AIFM3: variants seen among roughly 807,000 people sequenced by gnomAD.
The protein encoded by AIFM3 is apoptosis-inducing factor 3.
In AIFM3, 71 loss-of-function variants were observed where a neutral mutation model predicts 82.7. The observed-to-expected ratio is 0.86, with a 90% CI of 0.71 to 1.05. The LOEUF (loss-of-function observed/expected upper bound fraction) is 1.05. Among genes scored for constraint, AIFM3 ranks in the 50% least tolerant of loss-of-function variants. The pLI, the probability that AIFM3 is intolerant of heterozygous loss-of-function variation, is 0.00. For missense variants in AIFM3, 748 were observed against 816.7 expected, an observed-to-expected ratio of 0.92 and a Z score of 1.03; for synonymous variants, 337 against 329.1, an observed-to-expected ratio of 1.02 and a Z score of -0.26.
intron 2 of AIFM3, among the ~76,000 whole-genome samples, chr22:20,970,709 C>G (rs953153837): frequency 2.0e-5 from 3 of 152,212 alleles, no homozygotes; most frequent in Admixed American, 6.5e-5. Context: ...GATCTGCCTG[C>G]CTCGGCCTCT....
rs1267773205 is a variant in AIFM3 at position 20,974,599 on chromosome 22, C to T, written c.585C>T (p.Thr195=). Residue 195 remains threonine (T), a synonymous_variant, in exon 7 of 21, where the codon ACC becomes ACT. Transcript: ENST00000440238. ...ISPSAGYSSS[T]NVLIVGAGAA... is the part of the protein sequence containing the mutation. Reference sequence around the variant, plus strand: ...CAAGTGCTGGGTACAGCAGTAGCACCAATGTGCTCATTGTGGGTGCAGGTT... The same window carrying T: ...CAAGTGCTGGGTACAGCAGTAGCACTAATGTGCTCATTGTGGGTGCAGGTT... 4.3e-6 allele frequency: 7 copies of T among 1,613,668 alleles called. No homozygotes were observed. Among genetic ancestry groups the T allele is most frequent in the Non-Finnish European group, 5.9e-6 (7 of 1,179,904 alleles).
At chr22:20,968,408 C>T (rs887844863) in intron 2 of AIFM3, among the ~76,000 whole-genome samples, 5 of 152,132 alleles carry the variant, frequency 3.3e-5, no homozygotes, top group Admixed American at 6.5e-5. Flanking sequence ...AGGGCCTGGC[C>T]ACCCTGACCT....
chr22:20,974,869 C>T (rs1314120492), intron 8 of AIFM3, 53 bp downstream of exon 8: 1 of 1,575,054 alleles, frequency 6.3e-7, no homozygotes, highest in Admixed American at 1.7e-5. Flanking sequence ...CCAGTTAAGC[C>T]CACTTCAAGC....
intron 18 of AIFM3, 62 bp downstream of exon 18, chr22:20,979,764 C>T (rs1004931819): frequency 8.2e-6 from 13 of 1,586,360 alleles, no homozygotes; most frequent in Non-Finnish European, 1.1e-5. Flanking sequence ...AAGGGGGATT[C>T]ATCCCAGGCA....
Position 20,979,385 on chromosome 22 carries a change from C to T in AIFM3, c.1576+16C>T. On this transcript the variant is annotated intron_variant, in intron 17 of 20. Transcript: ENST00000440238. ...CGCTACGCGGGTAACCCCGGGGCCT[C>T]GGATGGGGGCGGGGCCGAGGGCGTT... is the stretch of plus-strand genomic sequence containing the variant. 2 of 1,011,440 alleles carry T rather than the reference C, an allele frequency of 2.0e-6. No individual in the cohort carries two copies. Among genetic ancestry groups the T allele is most frequent in the Non-Finnish European group, 1.2e-6 (1 of 804,784 alleles). The allele number at this position is 1,011,440 out of a possible 1,614,324, so 62.7% of individuals were successfully genotyped here.
chr22:20,981,329 C>T lies in AIFM3; in HGVS notation c.*298C>T. On this transcript the variant is annotated 3_prime_UTR_variant, in exon 21 of 21. Transcript: ENST00000440238. ...GAACCCTGCAACACGTTAAACATTA[C>T]CGTAAAATTAAAACGCACAAATTTG... 2 of 427,998 alleles carry T rather than the reference C, an allele frequency of 4.7e-6. No homozygotes were observed. The highest frequency in any genetic ancestry group is 8.7e-6 in the Non-Finnish European group (2 of 229,744). 26.5% of individuals were successfully genotyped at this position (427,998 alleles called of 1,614,324 possible).
At chr22:20,974,319 A>C in intron 6 of AIFM3, 23 bp downstream of exon 6, 3 of 1,611,928 alleles carry the variant, frequency 1.9e-6, no homozygotes, top group Non-Finnish European at 2.5e-6. Flanking sequence ...CTCGGGGCTC[A>C]GGCAGAAGGG....
Position 20,974,621 on chromosome 22 carries a change from G to T in AIFM3, c.607G>T (p.Gly203Cys). The T allele has an allele frequency of 6.2e-7, 1 of 1,613,660 alleles. No individual in the cohort carries two copies. Among genetic ancestry groups the T allele is most frequent in the Non-Finnish European group, 8.5e-7 (1 of 1,179,832 alleles). Residue 203 changes from glycine to cysteine, a missense_variant and splice_region_variant, in exon 7 of 21, where the codon GGT becomes TGT. Transcript: ENST00000440238. Reference protein sequence around the residue: ...SSTNVLIVGAGAAGLVCAETL... With the variant: ...SSTNVLIVGACAAGLVCAETL... ...CACCAATGTGCTCATTGTGGGTGCAGGTTGGTAGTGGGGTCATGAGGGGCA... is the reference window on the plus strand; with the variant it reads ...CACCAATGTGCTCATTGTGGGTGCATGTTGGTAGTGGGGTCATGAGGGGCA...
At chr22:20,973,971 G>A in intron 4 of AIFM3, 92 bp from the exon 5 acceptor site, 1 of 1,492,790 alleles carries the variant, frequency 6.7e-7, no homozygotes, top group Non-Finnish European at 9.0e-7. Context: ...AGTCTCCTGG[G>A]CTGTGGGGAG....
At chr22:20,977,214 A>T in intron 14 of AIFM3, 119 bp downstream of exon 14, 1 of 1,351,022 alleles carries the variant, frequency 7.4e-7, no homozygotes, top group Non-Finnish European at 1.0e-6. Flanking sequence ...CATCTGTCAA[A>T]TGGGAACCCC....
rs1306135069 is a variant in AIFM3 at position 20,980,762 on chromosome 22, C to T, written c.1773C>T (p.His591=). The part of the protein sequence containing the change: ...RKREVELFVL[H]SKTGDMSWLT... ...CTTCGTGAAGGCTGTTTGTGCTGCA[C>T]AGCAAGTACGTGTGTCCTTCATGTT... Residue 591 remains histidine (H), a synonymous_variant, in exon 20 of 21, where the codon CAC becomes CAT. Coordinates refer to ENST00000440238, the MANE Select transcript of AIFM3 (RefSeq NM_001386814.1). The T allele has an allele frequency of 6.2e-7, 1 of 1,614,224 alleles. No individual in the cohort carries two copies. Among genetic ancestry groups the T allele is most frequent in the African/African-American group, 1.3e-5 (1 of 75,050 alleles).
chr22:20,976,590 C>T, intron 11 of AIFM3, 52 bp downstream of exon 11: 3 of 1,613,138 alleles, frequency 1.9e-6, no homozygotes, highest in Non-Finnish European at 2.5e-6. Flanking sequence ...TGGCCAGTCC[C>T]AGGGAAGTTC....
chr22:20,979,957 C>A, intron 18 of AIFM3, 63 bp from the exon 19 acceptor site: 1 of 1,487,552 alleles, frequency 6.7e-7, no homozygotes, highest in Non-Finnish European at 9.2e-7. Context: ...AGCAGTGCAT[C>A]AGGGTTTTCA....
In AIFM3 at chr22:20,974,191, T is replaced by C. The variant is rs1923476304; in HGVS notation, c.465+19T>C. 2.5e-6 allele frequency: 4 copies of C among 1,601,474 alleles called. No individual in the cohort carries two copies. Among genetic ancestry groups the C allele is most frequent in the African/African-American group, 1.4e-5 (1 of 72,892 alleles). ...GTTCCAGGTGGGGCCAGGAGTGCGA[T>C]GGGGTGGGAACCTGGGGGTGTGGGG... On this transcript the variant is annotated intron_variant, in intron 5 of 20. Coordinates refer to ENST00000440238, the MANE Select transcript of AIFM3 (RefSeq NM_001386814.1).
rs1263249231 is a variant in AIFM3, at chr22:20,976,930, G to C, written c.1210G>C (p.Glu404Gln). Residue 404 changes from glutamate to glutamine, a missense_variant, in exon 13 of 21, where the codon GAG (glutamate) becomes CAG (glutamine). By Grantham distance (29) the Glu-to-Gln change is conservative. Around this residue, in one of 5 missense-constraint regions of AIFM3, gnomAD observed 393 missense variants for 481.1 expected, o/e 0.82. Transcript: ENST00000440238. ...QTEVSELRGQ[E>Q]GKLKEVVLKS... ...GGAGGTGTCTGAGCTGCGGGGCCAGGAGGGAAAGGTGGGCCCTTCTCCCTT... is the reference window on the plus strand; with the variant it reads ...GGAGGTGTCTGAGCTGCGGGGCCAGCAGGGAAAGGTGGGCCCTTCTCCCTT... The C allele has an allele frequency of 6.2e-7, 1 of 1,611,626 alleles. No individual in the cohort carries two copies.
Position 20,980,663 on chromosome 22 carries a change from C to T in AIFM3, c.1758-84C>T, listed in dbSNP as rs1001390438. The T allele has an allele frequency of 8.2e-6, 13 of 1,587,540 alleles. No individual in the cohort carries two copies. The African/African-American group carries it at 1.5e-4, about 18-fold the overall frequency. ...ACAGGGGCAGGCTTCAGGCTGGAAACAATGGAGGACCAGAAGGGGACATGA... is the reference window on the plus strand; with the variant it reads ...ACAGGGGCAGGCTTCAGGCTGGAAATAATGGAGGACCAGAAGGGGACATGA... On this transcript the variant is annotated intron_variant, in intron 19 of 20. Transcript: ENST00000440238.
At chr22:20,972,362 AT>A (rs1299278006) in intron 2 of AIFM3, among the ~76,000 whole-genome samples, 1 of 150,604 alleles carries the variant, frequency 6.6e-6, no homozygotes, top group African/African-American at 2.4e-5. Context: ...AGATCGCACC[AT>A]TGCACTCCAG....
chr22:20,968,957 C>T (rs574984062), intron 2 of AIFM3, among the ~76,000 whole-genome samples: 1 of 152,308 alleles, frequency 6.6e-6, no homozygotes, highest in East Asian at 1.9e-4. Flanking sequence ...TGATGACCCA[C>T]CAGGCAGAGG....
At chr22:20,977,566 C>A in intron 14 of AIFM3, 134 bp from the exon 15 acceptor site, 1 of 1,051,970 alleles carries the variant, frequency 9.5e-7, no homozygotes, top group Non-Finnish European at 1.4e-6. Flanking sequence ...GACCAGGGTG[C>A]ATGAAGGCCT....
Sources: gnomAD v4.1 joint callset for allele counts (sites outside exome capture counted in the v4.1 genomes callset) on GRCh38, gnomAD v4.1.1 for gene constraint, gnomAD v4.1.1 regional missense constraint, MANE v1.5 for transcripts, NCBI Gene and HGNC (gene_info 2026-07-23, HGNC 2026-07-21) for gene names.